Variants in BNC1 observed in about 807,000 individuals in gnomAD.
BNC1 encodes the protein basonuclin zinc finger protein 1.
BNC1 carries 8 observed loss-of-function variants against 66.5 expected under a neutral mutation model. The ratio of observed to expected loss-of-function variants is 0.12; its 90% CI spans 0.07 to 0.22. The LOEUF is 0.22. Among genes scored for constraint, BNC1 ranks in the 10% least tolerant of loss-of-function variants. The probability of loss-of-function intolerance (pLI) is 1.00; values close to 1 mark genes in which losing one functional copy is unlikely to be tolerated. For synonymous variants in BNC1, 454 were observed against 452.6 expected, an observed-to-expected ratio of 1.00 and a Z score of -0.04; for missense variants, 1,069 against 1,241.3, an observed-to-expected ratio of 0.86 and a Z score of 2.09.
chr15:83,265,562 A>G (rs2038208979), intron 3 of BNC1, among the ~76,000 whole-genome samples: 1 of 152,220 alleles, frequency 6.6e-6, no homozygotes, highest in African/African-American at 2.4e-5. Flanking sequence ...TCCTAACACT[A>G]GAAAGCAAGA....
intron 4 of BNC1, among the ~76,000 whole-genome samples, chr15:83,259,349 T>C (rs1283698364): frequency 4.6e-5 from 7 of 152,306 alleles, no homozygotes; most frequent in African/African-American, 1.2e-4. Flanking sequence ...CAGAGTCAAG[T>C]TGGGAAAACA....
intron 1 of BNC1, among the ~76,000 whole-genome samples, chr15:83,275,075 A>C (rs1488914625): frequency 6.6e-6 from 1 of 152,260 alleles, no homozygotes; most frequent in Non-Finnish European, 1.5e-5. Context: ...GCATTGTTCT[A>C]AATTCTACAG....
chr15:83,274,703 G>C (rs1249589045), intron 1 of BNC1, among the ~76,000 whole-genome samples: 1 of 152,330 alleles, frequency 6.6e-6, no homozygotes, highest in East Asian at 1.9e-4. Flanking sequence ...TCACGCAGTT[G>C]GTGAGCCTTA....
chr15:83,264,894 C>G, intron 3 of BNC1, 79 bp from the exon 4 acceptor site: 7 of 1,409,370 alleles, frequency 5.0e-6, no homozygotes, highest in East Asian at 2.3e-5. Flanking sequence ...GTCCACTAGA[C>G]TATGGGATAC....
rs1193962023 is a variant in BNC1 at position 83,272,771 on chromosome 15, A to G, written c.100-4539T>C. 2.6e-5 allele frequency among the ~76,000 whole-genome samples: 4 copies of G among 152,174 alleles called. No homozygotes were observed. The East Asian group carries it at 7.7e-4, about 29-fold the overall frequency. On this transcript the variant is annotated intron_variant, in intron 1 of 4. Transcript: ENST00000345382. Reference sequence around the variant, plus strand: ...GCACATTTCATAGATTAATACTGAAACTTATTTTTTGCATCTCGTCACCTA... The same window carrying G: ...GCACATTTCATAGATTAATACTGAAGCTTATTTTTTGCATCTCGTCACCTA...
chr15:83,264,089 T>C lies in BNC1; in HGVS notation c.1162A>G (p.Thr388Ala). The change falls in exon 4 of 5, where the codon ACC becomes GCC. Residue 388 changes from threonine (T) to alanine (A), a missense_variant. Coordinates refer to ENST00000345382, the MANE Select transcript of BNC1 (RefSeq NM_001717.4). ...AVHLKIKHKC[T>A]IEGCNMVFSS... ...AACACCATGTTACACCCTTCGATGG[T>C]GCACTTATGCTTGATCTTCAAGTGG... 6.2e-7 allele frequency: 1 copy of C among 1,614,206 alleles called. No homozygotes were observed. Among genetic ancestry groups the C allele is most frequent in the Non-Finnish European group, 8.5e-7 (1 of 1,180,046 alleles).
chr15:83,277,464 C>T (rs919494368), intron 1 of BNC1, among the ~76,000 whole-genome samples: 5 of 152,054 alleles, frequency 3.3e-5, no homozygotes, highest in Non-Finnish European at 7.4e-5. Flanking sequence ...TGTATGCCAC[C>T]ACACCCGGCT....
At position 83,263,081 on chromosome 15, in the gene BNC1, T is replaced by C; in HGVS notation, c.2170A>G (p.Ile724Val). 1 of 1,614,246 alleles carries C rather than the reference T, an allele frequency of 6.2e-7. No individual in the cohort carries two copies. Among genetic ancestry groups the C allele is most frequent in the Non-Finnish European group, 8.5e-7 (1 of 1,180,028 alleles). ...QIEENRFQCD[I>V]CKKTFKNACS... ...GCATTTTTAAAGGTCTTCTTGCAGATGTCACACTGGAAGCGATTTTCTTCT... is the reference window on the plus strand; with the variant it reads ...GCATTTTTAAAGGTCTTCTTGCAGACGTCACACTGGAAGCGATTTTCTTCT... The change falls in exon 4 of 5, where the codon ATC (isoleucine) becomes GTC (valine). Residue 724 changes from isoleucine (I) to valine (V), a missense_variant. Transcript: ENST00000345382.
At chr15:83,270,362 C>T (rs2038258145) in intron 1 of BNC1, among the ~76,000 whole-genome samples, 1 of 152,208 alleles carries the variant, frequency 6.6e-6, no homozygotes, top group Non-Finnish European at 1.5e-5. Context: ...AGTCCTAGAA[C>T]TACTGGATTG....
intron 1 of BNC1, among the ~76,000 whole-genome samples, chr15:83,274,295 G>A (rs1484728770): frequency 6.6e-6 from 1 of 152,194 alleles, no homozygotes; most frequent in East Asian, 1.9e-4. Flanking sequence ...TGAGCCAGGA[G>A]AATGGTGTGA....
intron 1 of BNC1, among the ~76,000 whole-genome samples, chr15:83,281,390 TAAAAG>T (rs1341619900): frequency 1.3e-5 from 2 of 152,242 alleles, no homozygotes; most frequent in Admixed American, 6.5e-5. Context: ...ATTACGTAAT[TAAAAG>T]AAAAGTACCA....
chr15:83,282,454 A>G (rs2038388728), intron 1 of BNC1, among the ~76,000 whole-genome samples: 1 of 152,264 alleles, frequency 6.6e-6, no homozygotes, highest in Non-Finnish European at 1.5e-5. Flanking sequence ...CTCTTTAAAG[A>G]GCAAATCAAA....
chr15:83,260,846 G>T (rs533269881), intron 4 of BNC1, among the ~76,000 whole-genome samples: 4 of 152,152 alleles, frequency 2.6e-5, no homozygotes, highest in Non-Finnish European at 5.9e-5. Context: ...ATGGTGTCAG[G>T]TCTGGGCCTG....
chr15:83,263,004 T>A lies in BNC1; in HGVS notation c.2247A>T (p.Thr749=), dbSNP rs766216372. 1 of 1,614,184 alleles carries A rather than the reference T, an allele frequency of 6.2e-7. No individual in the cohort carries two copies. Among genetic ancestry groups the A allele is most frequent in the Non-Finnish European group, 8.5e-7 (1 of 1,180,026 alleles). The part of the protein sequence containing the change: ...HKNMHVKEMH[T]CTVEGCNATF... ...TAGCATTACAGCCCTCCACTGTGCA[T>A]GTGTGCATTTCTTTGACATGCATAT... Residue 749 remains threonine (T), a synonymous_variant, in exon 4 of 5, where the codon ACA becomes ACT. Transcript: ENST00000345382.
chr15:83,274,385 AAAAT>A (rs370913184), intron 1 of BNC1, among the ~76,000 whole-genome samples: 12 of 152,156 alleles, frequency 7.9e-5, no homozygotes, highest in South Asian at 2.1e-4. Flanking sequence ...ACTCCATCTC[AAAAT>A]AAATAAATAA....
At chr15:83,275,674 G>C (rs1457690748) in intron 1 of BNC1, among the ~76,000 whole-genome samples, 2 of 152,122 alleles carry the variant, frequency 1.3e-5, no homozygotes, top group African/African-American at 4.8e-5. Context: ...ACTGGAGAGA[G>C]AGGAAGTATT....
At chr15:83,258,710 C>T (rs2038110852) in intron 4 of BNC1, among the ~76,000 whole-genome samples, 1 of 152,172 alleles carries the variant, frequency 6.6e-6, no homozygotes, top group South Asian at 2.1e-4. Flanking sequence ...TCAATGAAAT[C>T]AGGAAACATT....
chr15:83,275,704 A>T (rs774412434), intron 1 of BNC1, among the ~76,000 whole-genome samples: 12 of 152,098 alleles, frequency 7.9e-5, no homozygotes, highest in Non-Finnish European at 1.8e-4. Context: ...AGGCATAGCA[A>T]GTGCAAAGGC....
At chr15:83,258,741 C>G (rs1255416858) in intron 4 of BNC1, among the ~76,000 whole-genome samples, 1 of 152,184 alleles carries the variant, frequency 6.6e-6, no homozygotes, top group Non-Finnish European at 1.5e-5. Context: ...GCTGCACTGT[C>G]CAATGATAGC....
Sources: gnomAD v4.1 joint callset for allele counts (sites outside exome capture counted in the v4.1 genomes callset) on GRCh38, gnomAD v4.1.1 for gene constraint, MANE v1.5 for transcripts, NCBI Gene and HGNC (gene_info 2026-07-23, HGNC 2026-07-21) for gene names.